The following GNAQ variants were observed in gnomAD, a reference collection of about 807,000 sequenced individuals.
GNAQ encodes the protein G protein subunit alpha q.
In GNAQ, 8 loss-of-function variants were observed where a neutral mutation model predicts 43.9. That is an observed-to-expected ratio of 0.18 (90% confidence interval 0.11 to 0.33). The LOEUF (loss-of-function observed/expected upper bound fraction) is 0.33. GNAQ is among the 10% of genes least tolerant of loss of function. The pLI is 1.00. For missense variants in GNAQ, 158 were observed against 450.8 expected (o/e 0.35, Z 5.88); for synonymous variants, 155 against 170.7 (o/e 0.91, Z 0.71).
At chr9:77,819,911 C>G (rs1827085322) in intron 2 of GNAQ, among the ~76,000 whole-genome samples, 1 of 151,682 alleles carries the variant, frequency 6.6e-6, no homozygotes, top group East Asian at 1.9e-4. Flanking sequence ...TACTAGCTGA[C>G]TGTCATCTTG....
At chr9:77,768,017 A>T (rs1263044702) in intron 5 of GNAQ, among the ~76,000 whole-genome samples, 2 of 152,200 alleles carry the variant, frequency 1.3e-5, no homozygotes, top group African/African-American at 4.8e-5. Flanking sequence ...TAAAATAATC[A>T]TGCATTTACT....
chr9:77,886,606 T>C (rs1828310640), intron 2 of GNAQ, among the ~76,000 whole-genome samples: 1 of 152,124 alleles, frequency 6.6e-6, no homozygotes, highest in South Asian at 2.1e-4. Flanking sequence ...TTTCTATCAC[T>C]TGACAATACA....
chr9:77,955,255 G>A (rs1247922243), intron 1 of GNAQ, among the ~76,000 whole-genome samples: 2 of 152,094 alleles, frequency 1.3e-5, no homozygotes, highest in Middle Eastern at 3.2e-3. Flanking sequence ...CAATTCTTCC[G>A]CCTCAGCCTC....
At chr9:77,742,671 C>T (rs552330089) in intron 5 of GNAQ, among the ~76,000 whole-genome samples, 5 of 151,936 alleles carry the variant, frequency 3.3e-5, no homozygotes, top group Middle Eastern at 6.9e-3. Flanking sequence ...TAAACAAGTG[C>T]GATGGGTGAT....
intron 4 of GNAQ, 128 bp downstream of exon 4, chr9:77,797,392 A>C: frequency 7.0e-6 from 5 of 716,272 alleles, no homozygotes; most frequent in Non-Finnish European, 1.2e-5. Context: ...TTGTATAACT[A>C]ATGATAATAA....
chr9:77,789,970 G>C (rs1255809681), intron 5 of GNAQ, among the ~76,000 whole-genome samples: 1 of 152,086 alleles, frequency 6.6e-6, no homozygotes, highest in Non-Finnish European at 1.5e-5. Flanking sequence ...AGAAAAAAAA[G>C]CCAAAGAATG....
intron 1 of GNAQ, among the ~76,000 whole-genome samples, chr9:77,929,302 AG>A (rs1238958462): frequency 6.6e-6 from 1 of 152,204 alleles, no homozygotes; most frequent in East Asian, 1.9e-4. Flanking sequence ...ACTCATTCAA[AG>A]ATTCTGCTGG....
chr9:77,742,508 C>T (rs1825668851), intron 5 of GNAQ, among the ~76,000 whole-genome samples: 1 of 151,500 alleles, frequency 6.6e-6, no homozygotes, highest in Admixed American at 6.6e-5. Flanking sequence ...AATTTTTCAA[C>T]ATTTTAAATA....
intron 4 of GNAQ, among the ~76,000 whole-genome samples, chr9:77,796,520 C>T (rs1041616440): frequency 3.3e-5 from 5 of 152,148 alleles, no homozygotes; most frequent in Non-Finnish European, 5.9e-5. Flanking sequence ...GAAAGTACAT[C>T]AGTATTGTTT....
At chr9:77,827,916 C>T (rs1254921421) in intron 2 of GNAQ, among the ~76,000 whole-genome samples, 4 of 150,958 alleles carry the variant, frequency 2.6e-5, no homozygotes, top group East Asian at 1.9e-4. Context: ...AAAAATTAGC[C>T]GGGCATGGTG....
intron 2 of GNAQ, among the ~76,000 whole-genome samples, chr9:77,905,893 A>G (rs368006018): frequency 2.0e-5 from 3 of 152,166 alleles, no homozygotes; most frequent in Non-Finnish European, 1.5e-5. Flanking sequence ...GAACACATGG[A>G]CACAGGAAGG....
chr9:78,031,087 G>A lies in GNAQ; in HGVS notation c.136+13C>T, dbSNP rs1824052659. Reference sequence around the variant, plus strand: ...GGGCGCAGAGGCCCGGCGGGGCCCCGGACGGTACTCACCGAGCAGCAGCAG... The same window carrying A: ...GGGCGCAGAGGCCCGGCGGGGCCCCAGACGGTACTCACCGAGCAGCAGCAG... On this transcript the variant is annotated intron_variant, in intron 1 of 6. Coordinates refer to ENST00000286548, the MANE Select transcript of GNAQ (RefSeq NM_002072.5). 2 of 1,494,172 alleles carry A rather than the reference G, an allele frequency of 1.3e-6. No individual in the cohort carries two copies. Among genetic ancestry groups the A allele is most frequent in the East Asian group, 2.8e-5 (1 of 35,532 alleles). The allele number at this position is 1,494,172 out of a possible 1,614,324, so 92.6% of individuals were successfully genotyped here.
At chr9:77,886,942 C>T (rs1828316913) in intron 2 of GNAQ, among the ~76,000 whole-genome samples, 1 of 141,846 alleles carries the variant, frequency 7.0e-6, no homozygotes, top group Non-Finnish European at 1.5e-5. Flanking sequence ...AACCCCATCT[C>T]TACTAAAGAA....
chr9:77,798,371 G>A (rs1160129636), intron 3 of GNAQ, among the ~76,000 whole-genome samples: 1 of 152,050 alleles, frequency 6.6e-6, no homozygotes, highest in South Asian at 2.1e-4. Flanking sequence ...AAATATTACA[G>A]AACATTTCCC....
At chr9:77,895,197 CAAAA>C (rs35874480) in intron 2 of GNAQ, among the ~76,000 whole-genome samples, 1 of 115,574 alleles carries the variant, frequency 8.7e-6, no homozygotes, top group South Asian at 2.9e-4. Context: ...GACTCCATCT[CAAAA>C]AAAAAAAAAA....
chr9:77,904,362 T>TCG (rs1421652454), intron 2 of GNAQ, among the ~76,000 whole-genome samples: 1 of 124,394 alleles, frequency 8.0e-6, no homozygotes, highest in Non-Finnish European at 1.6e-5. Context: ...AGACAGAGTC[T>TCG]CGCTCTGTTG....
intron 2 of GNAQ, among the ~76,000 whole-genome samples, chr9:77,870,031 C>T (rs1828010942): frequency 6.6e-6 from 1 of 152,172 alleles, no homozygotes. Context: ...GAATCACCTG[C>T]AATCAGAAAT....
At chr9:77,721,562 G>C in intron 6 of GNAQ, 49 bp from the exon 7 acceptor site, 2 of 1,073,930 alleles carry the variant, frequency 1.9e-6, no homozygotes, top group Non-Finnish European at 2.8e-6. Flanking sequence ...ATCTGCTAAT[G>C]TATTCAATCA....
chr9:77,746,043 GC>G (rs1412451772), intron 5 of GNAQ, among the ~76,000 whole-genome samples: 1 of 152,130 alleles, frequency 6.6e-6, no homozygotes, highest in Non-Finnish European at 1.5e-5. Flanking sequence ...GAATAAGGAA[GC>G]CGAAGAGCCA....
Sources: gnomAD v4.1 joint callset for allele counts (sites outside exome capture counted in the v4.1 genomes callset) on GRCh38, gnomAD v4.1.1 for gene constraint, MANE v1.5 for transcripts, NCBI Gene and HGNC (gene_info 2026-07-23, HGNC 2026-07-21) for gene names.